Variants in NT5DC1 observed in about 807,000 individuals in gnomAD.
NT5DC1 encodes 5'-nucleotidase domain-containing protein 1.
Under a neutral mutation model 59.4 loss-of-function variants are expected in NT5DC1, and 42 were observed. The observed-to-expected ratio is 0.71, with a 90% CI of 0.55 to 0.92. NT5DC1 has a LOEUF of 0.92. Ranked by LOEUF, NT5DC1 falls within the 40% of genes least tolerant of loss-of-function variation. The pLI, the probability that NT5DC1 is intolerant of heterozygous loss-of-function variation, is 0.00. For missense variants in NT5DC1, 501 were observed against 537.1 expected (o/e 0.93, Z 0.66); for synonymous variants, 172 against 188.1 (o/e 0.91, Z 0.70).
intron 6 of NT5DC1, among the ~76,000 whole-genome samples, chr6:116,172,654 T>G (rs1780637798): frequency 6.6e-6 from 1 of 152,146 alleles, no homozygotes; most frequent in African/African-American, 2.4e-5. Flanking sequence ...GTAAGGAAAT[T>G]GTTTATGTTT....
chr6:116,230,501 C>G (rs1326486859), intron 8 of NT5DC1, among the ~76,000 whole-genome samples: 1 of 152,220 alleles, frequency 6.6e-6, no homozygotes, highest in Non-Finnish European at 1.5e-5. Context: ...ACCTAGAGAT[C>G]TTGTTAAAAT....
Position 116,100,912 on chromosome 6 carries a change from T to C in NT5DC1, c.-19T>C, listed in dbSNP as rs763403546. 19 of 1,587,642 alleles carry C rather than the reference T, an allele frequency of 1.2e-5. No homozygotes were observed. The highest frequency in any genetic ancestry group is 1.5e-5 in the Non-Finnish European group (18 of 1,168,232). The stretch of plus-strand genomic sequence containing the variant: ...CACCCTTCGCGGCCGAGGCGCTCCC[T>C]GGTGCTCCCCGCGCAGCCATGGCTC... On this transcript the variant is annotated 5_prime_UTR_variant, in exon 1 of 12. Transcript: ENST00000319550.
chr6:116,147,672 TACAAG>T (rs1164427980), intron 6 of NT5DC1, among the ~76,000 whole-genome samples: 3 of 152,204 alleles, frequency 2.0e-5, no homozygotes, highest in African/African-American at 7.2e-5. Context: ...TAGAAACTGT[TACAAG>T]ACTTTATATA....
chr6:116,223,069 C>A lies in NT5DC1; in HGVS notation c.740C>A (p.Thr247Lys), dbSNP rs1054314801. The A allele has an allele frequency of 3.1e-6, 5 of 1,605,498 alleles. No individual in the cohort carries two copies. In the South Asian group the frequency reaches 5.5e-5, roughly 18 times the overall value. The stretch of plus-strand genomic sequence containing the variant: ...ACAGACCTTTTTGACATTGTGATTA[C>A]AAATGCATTGAAGCCTGGTTTCTTC... Reference protein sequence around the residue: ...DFTDLFDIVITNALKPGFFSH... With the variant: ...DFTDLFDIVIKNALKPGFFSH... Residue 247 changes from threonine to lysine, a missense_variant, in exon 8 of 12, where the codon ACA (threonine) becomes AAA (lysine). Coordinates refer to ENST00000319550, the MANE Select transcript of NT5DC1 (RefSeq NM_152729.3).
chr6:116,247,117 C>CTTGA lies in NT5DC1; in HGVS notation c.*3095_*3098dup, dbSNP rs1771864413. 1 of 152,134 alleles carries CTTGA rather than the reference C, an allele frequency of 6.6e-6. No homozygotes were observed. The highest frequency in any genetic ancestry group is 1.5e-5 in the Non-Finnish European group (1 of 67,998). The allele number at this position is 152,134 out of a possible 1,614,324, so 9.4% of individuals were successfully genotyped here. On this transcript the variant is annotated 3_prime_UTR_variant, in exon 12 of 12. Transcript: ENST00000319550. ...ATCCTCAAAATCACACTTTTAATTACTTGATACATAATGTCTTCCAATATT... is the reference window on the plus strand; with the variant it reads ...ATCCTCAAAATCACACTTTTAATTACTTGATTGATACATAATGTCTTCCAATATT...
intron 6 of NT5DC1, among the ~76,000 whole-genome samples, chr6:116,193,437 G>A (rs1781161952): frequency 6.6e-6 from 1 of 152,034 alleles, no homozygotes; most frequent in Non-Finnish European, 1.5e-5. Context: ...TTCAAATCTG[G>A]AACTTGCAAC....
intron 8 of NT5DC1, among the ~76,000 whole-genome samples, chr6:116,226,612 G>T (rs998581219): frequency 1.3e-5 from 2 of 151,578 alleles, no homozygotes; most frequent in African/African-American, 4.8e-5. Context: ...TGGATTTGAG[G>T]GCTGACATAA....
intron 1 of NT5DC1, 37 bp downstream of exon 1, chr6:116,101,060 C>A (rs761198663): frequency 1.4e-6 from 2 of 1,448,734 alleles, no homozygotes; most frequent in African/African-American, 1.5e-5. Context: ...CTGCGCGCAA[C>A]CTCCATGGCG....
chr6:116,181,078 A>G (rs949972627), intron 6 of NT5DC1, among the ~76,000 whole-genome samples: 2 of 152,046 alleles, frequency 1.3e-5, no homozygotes, highest in African/African-American at 4.8e-5. Context: ...CTTTAAGACA[A>G]CCTAACAGAG....
At chr6:116,184,773 T>G (rs1044593247) in intron 6 of NT5DC1, among the ~76,000 whole-genome samples, 11 of 152,130 alleles carry the variant, frequency 7.2e-5, no homozygotes, top group Non-Finnish European at 1.3e-4. Context: ...GGTTCTTCTC[T>G]CTTCTTAGTT....
At chr6:116,234,204 C>A (rs566110459) in intron 8 of NT5DC1, among the ~76,000 whole-genome samples, 84 of 151,948 alleles carry the variant, frequency 5.5e-4, no homozygotes, top group African/African-American at 1.6e-3. Flanking sequence ...TCGTGATCCA[C>A]CTGCCTCAGC....
intron 6 of NT5DC1, among the ~76,000 whole-genome samples, chr6:116,178,724 A>G (rs1780807092): frequency 6.6e-6 from 1 of 152,200 alleles, no homozygotes; most frequent in Non-Finnish European, 1.5e-5. Context: ...TCCCTATAAT[A>G]ATAAAACCTC....
intron 6 of NT5DC1, among the ~76,000 whole-genome samples, chr6:116,127,180 G>T (rs1271891173): frequency 6.6e-6 from 1 of 152,146 alleles, no homozygotes; most frequent in African/African-American, 2.4e-5. Context: ...AAGTAGTATG[G>T]ATTCAGGACT....
Position 116,244,037 on chromosome 6 carries a change from GA to G in NT5DC1, c.*18del. On this transcript the variant is annotated 3_prime_UTR_variant, in exon 12 of 12. Coordinates refer to ENST00000319550, the MANE Select transcript of NT5DC1 (RefSeq NM_152729.3). ...GATATCCAAATAAGTTGTCTTTACT[GA>G]AAAATGAAGTGAAGACCCATATATG... 4 of 1,096,266 alleles carry G rather than the reference GA, an allele frequency of 3.6e-6. No individual in the cohort carries two copies. Among genetic ancestry groups the G allele is most frequent in the South Asian group, 1.4e-5 (1 of 72,562 alleles). 67.9% of individuals were successfully genotyped at this position (1,096,266 alleles called of 1,614,324 possible).
chr6:116,207,180 A>G (rs1477264600), intron 6 of NT5DC1, among the ~76,000 whole-genome samples: 3 of 152,006 alleles, frequency 2.0e-5, no homozygotes, highest in African/African-American at 7.2e-5. Flanking sequence ...CCCTGCCTAC[A>G]GCAGATTTCT....
chr6:116,240,553 G>A (rs1055072709), intron 11 of NT5DC1, among the ~76,000 whole-genome samples: 2 of 151,624 alleles, frequency 1.3e-5, no homozygotes, highest in South Asian at 2.1e-4. Flanking sequence ...GGAGATGAGA[G>A]AATAAGTGAG....
intron 9 of NT5DC1, among the ~76,000 whole-genome samples, chr6:116,237,902 G>C (rs1782151509): frequency 6.6e-6 from 1 of 152,158 alleles, no homozygotes; most frequent in Non-Finnish European, 1.5e-5. Flanking sequence ...TAAACATATA[G>C]GTTCACTTCT....
At chr6:116,155,576 A>G (rs1303002344) in intron 6 of NT5DC1, among the ~76,000 whole-genome samples, 1 of 152,152 alleles carries the variant, frequency 6.6e-6, no homozygotes, top group African/African-American at 2.4e-5. Context: ...CCAAAATCAC[A>G]TGTGTATTTA....
intron 6 of NT5DC1, among the ~76,000 whole-genome samples, chr6:116,173,161 G>A (rs1159752414): frequency 3.3e-5 from 5 of 152,144 alleles, no homozygotes; most frequent in Non-Finnish European, 5.9e-5. Context: ...TAAAAACATT[G>A]TATGTGTCTA....
Sources: allele counts gnomAD v4.1 joint callset (sites outside exome capture counted in the v4.1 genomes callset), GRCh38; gene constraint gnomAD v4.1.1; transcripts MANE v1.5; gene names NCBI Gene and HGNC (gene_info 2026-07-23, HGNC 2026-07-21).